The following CD55 variants were observed in gnomAD, a reference collection of about 807,000 sequenced individuals.
The protein encoded by CD55 is complement decay-accelerating factor.
CD55 carries 41 observed loss-of-function variants against 45.8 expected under a neutral mutation model. That is an observed-to-expected ratio of 0.90 (90% CI 0.70 to 1.16). The LOEUF is 1.16. CD55 is among the 50% of genes most tolerant of loss of function. CD55 has a pLI of 0.00. For missense variants in CD55, 416 were observed against 469.8 expected (o/e 0.89, Z 1.06); for synonymous variants, 181 against 181.1 (o/e 1.00, Z 0.01).
intron 8 of CD55, 46 bp from the exon 9 acceptor site, chr1:207,339,351 T>G: frequency 6.5e-7 from 1 of 1,532,734 alleles, no homozygotes; most frequent in South Asian, 1.2e-5. Flanking sequence ...ATCAATGACT[T>G]TAACAAATTT....
chr1:207,337,875 T>G (rs990559822), intron 8 of CD55, among the ~76,000 whole-genome samples: 1 of 152,148 alleles, frequency 6.6e-6, no homozygotes, highest in Admixed American at 6.5e-5. Context: ...TCTAAGTAAT[T>G]GAAAATACAG....
chr1:207,333,105 C>A (rs1218799169), intron 6 of CD55, among the ~76,000 whole-genome samples: 1 of 152,126 alleles, frequency 6.6e-6, no homozygotes. Flanking sequence ...GAAGGTTGAC[C>A]CAGAGCTTCT....
chr1:207,326,015 C>T (rs1475250397), intron 4 of CD55, among the ~76,000 whole-genome samples: 1 of 58,852 alleles, frequency 1.7e-5, no homozygotes, highest in Non-Finnish European at 3.0e-5. Context: ...ATGATACTTG[C>T]AGAAATCTTC....
At chr1:207,340,206 G>A (rs1216528439) in intron 9 of CD55, among the ~76,000 whole-genome samples, 2 of 152,066 alleles carry the variant, frequency 1.3e-5, no homozygotes, top group Non-Finnish European at 2.9e-5. Flanking sequence ...ATGTGAGTAA[G>A]AGCATGTGAT....
intron 9 of CD55, among the ~76,000 whole-genome samples, chr1:207,351,051 T>C (rs931605967): frequency 6.6e-6 from 1 of 152,228 alleles, no homozygotes; most frequent in African/African-American, 2.4e-5. Context: ...ATGTTGTATC[T>C]TTGTTTTCAC....
Position 207,359,543 on chromosome 1 carries a change from C to G in CD55, c.1082-3C>G. 1.0e-6 allele frequency: 1 copy of G among 970,570 alleles called. No homozygotes were observed. Among genetic ancestry groups the G allele is most frequent in the Non-Finnish European group, 1.3e-6 (1 of 756,368 alleles). The allele number at this position is 970,570 out of a possible 1,614,324, so 60.1% of individuals were successfully genotyped here. A position where few individuals can be genotyped will look rare whatever the true frequency, so the allele number is the denominator to read the frequency against. ...TTTTTTTTTTTTTTTTTTTAATTTT[C>G]AGGGCACACGTGTTTCACGTTGACA... On this transcript the variant is annotated splice_region_variant and splice_polypyrimidine_tract_variant and intron_variant, in intron 9 of 9. Coordinates refer to ENST00000367064, the MANE Select transcript of CD55 (RefSeq NM_000574.5).
At chr1:207,356,141 C>A (rs1250446150) in intron 9 of CD55, among the ~76,000 whole-genome samples, 1 of 152,150 alleles carries the variant, frequency 6.6e-6, no homozygotes, top group African/African-American at 2.4e-5. Flanking sequence ...TTTTCCCCTT[C>A]AAGGATTTCT....
chr1:207,336,673 C>A lies in CD55; in HGVS notation c.854-20C>A. On this transcript the variant is annotated intron_variant, in intron 6 of 9. Transcript: ENST00000367064. ...CCAGCAATATTTAGCTAACTTGTTT[C>A]TCAACCTTTTCTTTCACAGGAAAAT... 1 of 1,612,560 alleles carries A rather than the reference C, an allele frequency of 6.2e-7. No individual in the cohort carries two copies. The highest frequency in any genetic ancestry group is 2.2e-5 in the East Asian group (1 of 44,862).
chr1:207,345,633 A>C lies in CD55; in HGVS notation c.1081+6216A>C, dbSNP rs887474792. ...ATTATTGTGTTCCTTTGGTGGTATCATATTTTCTTGTTTTTTCACGTTTCC... is the reference window on the plus strand; with the variant it reads ...ATTATTGTGTTCCTTTGGTGGTATCCTATTTTCTTGTTTTTTCACGTTTCC... On this transcript the variant is annotated intron_variant, in intron 9 of 9. Coordinates refer to ENST00000367064, the MANE Select transcript of CD55 (RefSeq NM_000574.5). Among the ~76,000 whole-genome samples the C allele has an allele frequency of 2.0e-5, 3 of 152,096 alleles. No individual in the cohort carries two copies. The East Asian group carries it at 5.8e-4, about 29-fold the overall frequency.
rs1656274084 is a variant in CD55 at position 207,360,855 on chromosome 1, T to G, written c.*1245T>G. The G allele has an allele frequency of 6.6e-6, 1 of 152,172 alleles. No individual in the cohort carries two copies. The highest frequency in any genetic ancestry group is 1.9e-4 in the East Asian group (1 of 5,206). 9.4% of individuals were successfully genotyped at this position (152,172 alleles called of 1,614,324 possible). A position where few individuals can be genotyped will look rare whatever the true frequency, so the allele number is the denominator to read the frequency against. On this transcript the variant is annotated 3_prime_UTR_variant, in exon 10 of 10. Coordinates refer to ENST00000367064, the MANE Select transcript of CD55 (RefSeq NM_000574.5). ...ATTATGGCAATGTTTATTTTGTCATTTTGCTTCATCTGTTTTGTTGTTGAA... is the reference window on the plus strand; with the variant it reads ...ATTATGGCAATGTTTATTTTGTCATGTTGCTTCATCTGTTTTGTTGTTGAA...
intron 8 of CD55, chr1:207,337,761 C>T (rs1423750060): frequency 5.8e-6 from 1 of 172,010 alleles, no homozygotes; most frequent in African/African-American, 2.4e-5. Flanking sequence ...AAGGCTGAGT[C>T]CTGGGTCTGG....
At chr1:207,353,351 A>G (rs570196085) in intron 9 of CD55, among the ~76,000 whole-genome samples, 15 of 152,296 alleles carry the variant, frequency 9.8e-5, no homozygotes, top group African/African-American at 3.4e-4. Flanking sequence ...TTAAAGAATA[A>G]TAAATAAGAA....
At chr1:207,332,371 A>G (rs1654983296) in intron 6 of CD55, among the ~76,000 whole-genome samples, 1 of 152,168 alleles carries the variant, frequency 6.6e-6, no homozygotes, top group Admixed American at 6.5e-5. Flanking sequence ...CATATATGCA[A>G]GTACATTTGT....
intron 9 of CD55, among the ~76,000 whole-genome samples, chr1:207,340,033 C>T (rs566298798): frequency 2.0e-5 from 3 of 152,220 alleles, no homozygotes; most frequent in Admixed American, 2.0e-4. Context: ...TATACTCACC[C>T]TACTCTGCTA....
intron 9 of CD55, among the ~76,000 whole-genome samples, chr1:207,357,544 C>T (rs1457201418): frequency 8.5e-5 from 3 of 35,110 alleles, no homozygotes; most frequent in African/African-American, 1.2e-4. Context: ...CTCCCTGGAT[C>T]GGTGGGAATG....
At chr1:207,324,493 A>T in intron 2 of CD55, 66 bp from the exon 3 acceptor site, 1 of 1,077,098 alleles carries the variant, frequency 9.3e-7, no homozygotes, top group Non-Finnish European at 1.3e-6. Context: ...CCAGATAATT[A>T]AATATAGATT....
At chr1:207,354,190 T>C (rs1293203010) in intron 9 of CD55, 2 of 1,319,250 alleles carry the variant, frequency 1.5e-6, no homozygotes, top group Non-Finnish European at 1.9e-6. Flanking sequence ...AAATTTTGTT[T>C]GATGAATATC....
intron 7 of CD55, 110 bp from the exon 8 acceptor site, chr1:207,337,219 A>G: frequency 1.4e-6 from 1 of 729,608 alleles, no homozygotes. Context: ...CCACAGCAAA[A>G]GTTGCATTTA....
At chr1:207,325,865 G>C (rs1338489150) in intron 4 of CD55, 144 bp downstream of exon 4, 1 of 430,262 alleles carries the variant, frequency 2.3e-6, no homozygotes, top group East Asian at 3.6e-5. Context: ...TTCATCATGA[G>C]CTCATCACAG....
Sources: allele counts gnomAD v4.1 joint callset (sites outside exome capture counted in the v4.1 genomes callset), GRCh38; gene constraint gnomAD v4.1.1; transcripts MANE v1.5; gene names NCBI Gene and HGNC (gene_info 2026-07-23, HGNC 2026-07-21).